The following CCDC120 variants were observed in gnomAD, a reference collection of about 807,000 sequenced individuals.
CCDC120 encodes the protein coiled-coil domain-containing protein 120.
CCDC120 carries 16 observed loss-of-function variants against 37.6 expected under a neutral mutation model. The observed-to-expected ratio is 0.43, with a 90% CI of 0.29 to 0.65. The LOEUF (loss-of-function observed/expected upper bound fraction) is 0.65. Ranked by LOEUF, CCDC120 falls within the 30% of genes least tolerant of loss-of-function variation. CCDC120 has a pLI of 0.18. For synonymous variants in CCDC120, 309 were observed against 275.4 expected (o/e 1.12, Z -1.21); for missense variants, 650 against 657.4 (o/e 0.99, Z 0.12).
intron 8 of CCDC120, 58 bp downstream of exon 8, chrX:49,065,686 G>A: frequency 2.5e-6 from 3 of 1,192,841 alleles, no homozygotes; most frequent in Non-Finnish European, 3.4e-6. Context: ...GCAAGCCTGG[G>A]CTGGCAGAGG....
chrX:49,068,282 G>A (rs781900467), intron 10 of CCDC120, 192 bp downstream of exon 10: 20 of 1,082,246 alleles, frequency 1.8e-5, no homozygotes, highest in Non-Finnish European at 2.4e-5. Flanking sequence ...GGGGATCTTG[G>A]GCACTGGTAG....
chrX:49,061,105 C>T (rs2064881172), intron 1 of CCDC120, among the ~76,000 whole-genome samples: 1 of 111,635 alleles, frequency 9.0e-6, no homozygotes, highest in South Asian at 3.7e-4. Context: ...CCAGCCAAGG[C>T]AGGTTCCATG....
At position 49,059,974 on chromosome X, in the gene CCDC120, TGGGTGTGG is replaced by T. The variant is rs781918292; in HGVS notation, c.-84+890_-84+897del. The stretch of plus-strand genomic sequence containing the variant: ...TGAGCGGAGGCAGAAGCTTAGGAAC[TGGGTGTGG>T]GGGTGTGGGGCGTTGACTGTGTCTA... On this transcript the variant is annotated intron_variant, in intron 1 of 10. Transcript: ENST00000603986. Among the ~76,000 whole-genome samples the T allele has an allele frequency of 3.0e-3, 334 of 111,886 alleles. 2 individuals carry two copies. The highest frequency in any genetic ancestry group is 0.01 in the African/African-American group (313 of 30,818).
upstream of CCDC120, among the ~76,000 whole-genome samples, chrX:49,054,498 G>A (rs1461322506): frequency 1.8e-5 from 2 of 110,466 alleles, no homozygotes; most frequent in Non-Finnish European, 3.8e-5. Context: ...ACTCTGCCCC[G>A]TTTTTCCCTC....
Position 49,067,752 on chromosome X carries a change from C to T in CCDC120, c.1638C>T (p.Thr546=). ...LRTKDPHTRA[T]RTKPCGLPPE... ...CCAAGGACCCCCACACCCGTGCCAC[C>T]CGCACTAAGCCCTGTGGCCTGCCCC... is the stretch of plus-strand genomic sequence containing the variant. Residue 546 remains threonine, a synonymous_variant, in exon 10 of 11, where the codon ACC becomes ACT. Coordinates refer to ENST00000603986, the MANE Select transcript of CCDC120 (RefSeq NM_001163321.4). The T allele has an allele frequency of 8.4e-7, 1 of 1,195,100 alleles. No individual in the cohort carries two copies. The highest frequency in any genetic ancestry group is 1.7e-5 in the African/African-American group (1 of 57,717).
chrX:49,066,596 A>G (rs1243281741), intron 9 of CCDC120: 5 of 112,125 alleles, frequency 4.5e-5, no homozygotes, highest in Admixed American at 9.5e-5. Flanking sequence ...TCTAGAGTCC[A>G]TGCTTTTAAC....
At chrX:49,061,906 G>A (rs2064889755) in intron 1 of CCDC120, 53 bp from the exon 2 acceptor site, 1 of 1,076,017 alleles carries the variant, frequency 9.3e-7, no homozygotes, top group African/African-American at 1.9e-5. Context: ...TTGACTGCGT[G>A]TCCATTGTTG....
At chrX:49,062,708 T>A in intron 4 of CCDC120, 107 bp downstream of exon 4, 1 of 811,471 alleles carries the variant, frequency 1.2e-6, no homozygotes, top group Non-Finnish European at 1.7e-6. Flanking sequence ...CCACTTGTCT[T>A]GGCTGTAGAT....
chrX:49,057,854 ATGG>A (rs1259955457), upstream of CCDC120, among the ~76,000 whole-genome samples: 2 of 107,296 alleles, frequency 1.9e-5, no homozygotes, highest in African/African-American at 6.7e-5. Context: ...GGTAGTGGTG[ATGG>A]TGGTGGTGGT....
At position 49,068,352 on chromosome X, in the gene CCDC120, G is replaced by A. The variant is rs1294915698; in HGVS notation, c.1977-192G>A. ...AGCCTTGAAGCCAGGGTGCCGGGAG[G>A]AAGGGACATCTCATGCCCCTTGCTG... On this transcript the variant is annotated intron_variant, in intron 10 of 10. Coordinates refer to ENST00000603986, the MANE Select transcript of CCDC120 (RefSeq NM_001163321.4). 7 of 1,060,462 alleles carry A rather than the reference G, an allele frequency of 6.6e-6. No homozygotes were observed. The East Asian group carries it at 2.1e-4, about 32-fold the overall frequency. 87.4% of individuals were successfully genotyped at this position (1,060,462 alleles called of 1,213,427 possible). A position where few individuals can be genotyped will look rare whatever the true frequency, so the allele number is the denominator to read the frequency against.
In CCDC120 at chrX:49,067,663, C is replaced by A. The variant is rs139955656; in HGVS notation, c.1549C>A (p.Leu517Ile). ...PGPLSRRDGL[L>I]TMLPGPPPVY... The stretch of plus-strand genomic sequence containing the variant: ...ACCCCTCTCCCGCCGGGATGGGCTC[C>A]TCACCATGCTCCCCGGCCCACCACC... Residue 517 changes from leucine to isoleucine, a missense_variant, in exon 10 of 11, where the codon CTC (leucine) becomes ATC (isoleucine). Coordinates refer to ENST00000603986, the MANE Select transcript of CCDC120 (RefSeq NM_001163321.4). 1.2e-3 allele frequency: 1,405 copies of A among 1,201,394 alleles called. No homozygotes were observed. Among genetic ancestry groups the A allele is most frequent in the Admixed American group, 1.5e-3 (66 of 45,434 alleles).
intron 9 of CCDC120, 152 bp from the exon 10 acceptor site, chrX:49,067,024 A>G: frequency 4.1e-6 from 2 of 490,596 alleles, no homozygotes; most frequent in Non-Finnish European, 6.9e-6. Flanking sequence ...ACATGTCACT[A>G]CCTGCCACCT....
Position 49,067,445 on chromosome X carries a change from C to T in CCDC120, c.1331C>T (p.Ser444Phe). Residue 444 changes from serine to phenylalanine, a missense_variant, in exon 10 of 11, where the codon TCC (serine) becomes TTC (phenylalanine). Ser to Phe is a radical substitution (Grantham distance 155). Around this residue, in one of 3 missense-constraint regions of CCDC120, gnomAD observed 576 missense variants for 565.3 expected, o/e 1.02. Transcript: ENST00000603986. ...CCCCAACCAACCCCTGCCTTCTCCT[C>T]CCGCACAGCAGGCCCCCCAGACCCT... ...ERPQPTPAFS[S>F]RTAGPPDPPR... The T allele has an allele frequency of 1.7e-6, 2 of 1,192,169 alleles. No homozygotes were observed. The highest frequency in any genetic ancestry group is 3.0e-5 in the East Asian group (1 of 33,368).
chrX:49,061,456 TG>T (rs2064885066), intron 1 of CCDC120, among the ~76,000 whole-genome samples: 1 of 112,829 alleles, frequency 8.9e-6, no homozygotes, highest in East Asian at 2.8e-4. Flanking sequence ...AGGGTGCTGG[TG>T]ATGCTGCTGA....
At chrX:49,056,629 A>AAC, upstream of CCDC120, among the ~76,000 whole-genome samples, 1 of 102,076 alleles carries the variant, frequency 9.8e-6, no homozygotes, top group East Asian at 2.9e-4. Flanking sequence ...CCGTCTCAAA[A>AAC]AAAAAAAAAA....
At chrX:49,060,582 G>C (rs1439607317) in intron 1 of CCDC120, among the ~76,000 whole-genome samples, 1 of 110,461 alleles carries the variant, frequency 9.1e-6, no homozygotes, top group East Asian at 2.9e-4. Flanking sequence ...AGAGTTCCTT[G>C]GGCCTAAATG....
In CCDC120 at chrX:49,067,951, G is replaced by A; in HGVS notation, c.1837G>A (p.Val613Met). 8.7e-7 allele frequency: 1 copy of A among 1,147,944 alleles called. No individual in the cohort carries two copies. The highest frequency in any genetic ancestry group is 2.0e-5 in the South Asian group (1 of 50,097). 94.6% of individuals were successfully genotyped at this position (1,147,944 alleles called of 1,213,427 possible). A position where few individuals can be genotyped will look rare whatever the true frequency, so the allele number is the denominator to read the frequency against. Residue 613 changes from valine to methionine, a missense_variant, in exon 10 of 11, where the codon GTG (valine) becomes ATG (methionine). Val to Met is a conservative substitution (Grantham distance 21). Coordinates refer to ENST00000603986, the MANE Select transcript of CCDC120 (RefSeq NM_001163321.4). Reference protein sequence around the residue: ...GLAAGPQRRPVLPSVGPPHPP... With the variant: ...GLAAGPQRRPMLPSVGPPHPP... ...GGCTGCGGGGCCCCAGCGCCGGCCT[G>A]TGCTCCCTTCCGTGGGCCCGCCACA...
upstream of CCDC120, among the ~76,000 whole-genome samples, chrX:49,058,604 A>G (rs2064847478): frequency 1.8e-5 from 2 of 111,799 alleles, no homozygotes; most frequent in South Asian, 3.7e-4. Context: ...GGCAGCTGCT[A>G]CTCCCACCAC....
Position 49,063,884 on chromosome X carries a change from T to C in CCDC120, c.312T>C (p.Pro104=). ...QEAELTGQLP[P]ECPLEPGERP... is the part of the protein sequence containing the mutation. ...AGGAGCTGACTGGCCAGCTGCCCCC[T>C]GAGTGCCCACTAGAGCCTGGTGAAC... The change falls in exon 5 of 11, where the codon CCT becomes CCC. Residue 104 remains proline, a synonymous_variant. Transcript: ENST00000603986. 1 of 1,207,747 alleles carries C rather than the reference T, an allele frequency of 8.3e-7. No homozygotes were observed. Among genetic ancestry groups the C allele is most frequent in the Non-Finnish European group, 1.1e-6 (1 of 893,473 alleles).
Sources: allele counts gnomAD v4.1 joint callset (sites outside exome capture counted in the v4.1 genomes callset), GRCh38; gene constraint gnomAD v4.1.1; regional missense constraint gnomAD v4.1.1; transcripts MANE v1.5; gene names NCBI Gene and HGNC (gene_info 2026-07-23, HGNC 2026-07-21).